The following NIPA2 variants were observed in gnomAD, a reference collection of about 807,000 sequenced individuals.
The protein encoded by NIPA2 is magnesium transporter NIPA2.
Under a neutral mutation model 29.7 loss-of-function variants are expected in NIPA2, and 11 were observed. The observed-to-expected ratio is 0.37, with a 90% CI of 0.23 to 0.61. The LOEUF (loss-of-function observed/expected upper bound fraction) is 0.61, where lower values mean the gene tolerates loss of function less well. Ranked by LOEUF, NIPA2 falls within the 20% of genes least tolerant of loss-of-function variation. NIPA2 has a pLI of 0.66. For synonymous variants in NIPA2, 183 were observed against 161.9 expected (o/e 1.13, Z -0.99); for missense variants, 426 against 437.9 (o/e 0.97, Z 0.24).
In NIPA2 at chr15:22,839,687, A is replaced by C; in HGVS notation, c.-319A>C. The C allele has an allele frequency of 6.6e-6, 1 of 152,346 alleles. No individual in the cohort carries two copies. Among genetic ancestry groups the C allele is most frequent in the Non-Finnish European group, 1.5e-5 (1 of 68,036 alleles). The allele number at this position is 152,346 out of a possible 1,614,324, so 9.4% of individuals were successfully genotyped here. The stretch of plus-strand genomic sequence containing the variant: ...CTACTCGGCCAGGGTTTAAGACTTT[A>C]AATGAGAATAAAGGGTGGTATTTAC... On this transcript the variant is annotated 5_prime_UTR_variant, in exon 2 of 8. The change abolishes the stop of an existing upstream ORF in the 5' untranslated region. Transcript: ENST00000337451.
At chr15:22,852,811 T>C (rs1187314094) in intron 4 of NIPA2, among the ~76,000 whole-genome samples, 1 of 152,188 alleles carries the variant, frequency 6.6e-6, no homozygotes, top group African/African-American at 2.4e-5. Flanking sequence ...TTGGACCTTA[T>C]GAGGAGAGCT....
chr15:22,867,632 T>TGTCA lies in NIPA2; in HGVS notation c.*786_*789dup. ...AGTATATTTTCATAATGAGTTATATTGTCATTTAGACTTTGAACAGCTCTG... is the reference window on the plus strand; with the variant it reads ...AGTATATTTTCATAATGAGTTATATTGTCAGTCATTTAGACTTTGAACAGCTCTG... On this transcript the variant is annotated 3_prime_UTR_variant, in exon 8 of 8. Transcript: ENST00000337451. The TGTCA allele has an allele frequency of 6.4e-6, 1 of 156,762 alleles. No individual in the cohort carries two copies. The highest frequency in any genetic ancestry group is 1.4e-5 in the Non-Finnish European group (1 of 71,154). The allele number at this position is 156,762 out of a possible 1,614,324, so 9.7% of individuals were successfully genotyped here.
At chr15:22,840,608 C>A (rs1896819894) in intron 2 of NIPA2, among the ~76,000 whole-genome samples, 4 of 152,040 alleles carry the variant, frequency 2.6e-5, no homozygotes, top group Admixed American at 2.0e-4. Context: ...CCTAAGAGCT[C>A]TAAAGTGTTA....
chr15:22,841,277 A>T (rs572056554), intron 2 of NIPA2, among the ~76,000 whole-genome samples: 1 of 152,216 alleles, frequency 6.6e-6, no homozygotes, highest in African/African-American at 2.4e-5. Context: ...GCAAAGATTT[A>T]TCTGTGTTGT....
intron 6 of NIPA2, 63 bp downstream of exon 6, chr15:22,858,693 C>T: frequency 2.1e-6 from 2 of 974,394 alleles, no homozygotes; most frequent in Non-Finnish European, 3.0e-6. Context: ...ATATTCAGTA[C>T]CATCTAATTA....
At chr15:22,863,435 C>T (rs2058756529) in intron 7 of NIPA2, among the ~76,000 whole-genome samples, 1 of 152,136 alleles carries the variant, frequency 6.6e-6, no homozygotes, top group African/African-American at 2.4e-5. Context: ...CTGATAGCTT[C>T]AGATGTTGGT....
At chr15:22,865,948 A>G (rs1200404343) in intron 7 of NIPA2, among the ~76,000 whole-genome samples, 2 of 152,102 alleles carry the variant, frequency 1.3e-5, no homozygotes, top group African/African-American at 4.8e-5. Context: ...CTGGTGAGCT[A>G]GAGCACTTAA....
chr15:22,867,230 T>C lies in NIPA2; in HGVS notation c.*383T>C. On this transcript the variant is annotated 3_prime_UTR_variant, in exon 8 of 8. Coordinates refer to ENST00000337451, the MANE Select transcript of NIPA2 (RefSeq NM_030922.7). The stretch of plus-strand genomic sequence containing the variant: ...ATCAATCCCTGACCATGTAAGGCTT[T>C]TTTATTTTAAAAAAACAGAGTTATC... 2 of 404,292 alleles carry C rather than the reference T, an allele frequency of 4.9e-6. No individual in the cohort carries two copies. The highest frequency in any genetic ancestry group is 8.7e-6 in the Non-Finnish European group (2 of 229,784). The allele number at this position is 404,292 out of a possible 1,614,324, so 25.0% of individuals were successfully genotyped here.
intron 3 of NIPA2, among the ~76,000 whole-genome samples, chr15:22,848,405 T>C (rs2057442534): frequency 6.6e-6 from 1 of 152,098 alleles, no homozygotes; most frequent in African/African-American, 2.4e-5. Flanking sequence ...GCTTTGTTTG[T>C]TTGTTTGAGA....
chr15:22,853,519 G>A (rs933832625), intron 5 of NIPA2, among the ~76,000 whole-genome samples: 5 of 151,598 alleles, frequency 3.3e-5, no homozygotes, highest in Non-Finnish European at 7.4e-5. Flanking sequence ...GATTACAGGC[G>A]TGCCACCACC....
chr15:22,859,105 A>C (rs12904827), intron 6 of NIPA2, among the ~76,000 whole-genome samples: 130,481 of 151,930 alleles, frequency 0.86, 56,183 homozygotes, highest in East Asian at 0.93. Context: ...ACGCAGGAAG[A>C]GGAGGTTGCA....
At position 22,851,755 on chromosome 15, in the gene NIPA2, T is replaced by C. The variant is rs774815254; in HGVS notation, c.24T>C (p.Tyr8=). Residue 8 remains tyrosine (Y), a synonymous_variant, in exon 4 of 8, where the codon TAT becomes TAC. Transcript: ENST00000337451. ...AAATGAGCCAGGGGCGTGGAAAATA[T>C]GACTTCTATATTGGTCTGGGATTGG... The part of the protein sequence containing the change: MSQGRGK[Y]DFYIGLGLAM... 2.2e-5 allele frequency: 36 copies of C among 1,611,506 alleles called. No homozygotes were observed. The highest frequency in any genetic ancestry group is 2.6e-5 in the Non-Finnish European group (31 of 1,179,230).
chr15:22,849,646 C>T (rs1024063552), intron 3 of NIPA2, among the ~76,000 whole-genome samples: 1 of 151,840 alleles, frequency 6.6e-6, no homozygotes, highest in African/African-American at 2.4e-5. Context: ...TGCAAGCTCC[C>T]CGTCCCAGGT....
At chr15:22,864,510 C>T (rs1249007940) in intron 7 of NIPA2, among the ~76,000 whole-genome samples, 1 of 152,122 alleles carries the variant, frequency 6.6e-6, no homozygotes, top group Non-Finnish European at 1.5e-5. Flanking sequence ...AAAAAAGCTT[C>T]CAGTTTCATG....
Position 22,866,518 on chromosome 15 carries a change from T to C in NIPA2, c.754T>C (p.Tyr252His). The change falls in exon 8 of 8, where the codon TAT (tyrosine) becomes CAT (histidine). Residue 252 changes from tyrosine (Y) to histidine (H), a missense_variant. Physicochemically the swap from Tyr to His is moderately conservative, Grantham distance 83. This residue lies in a region of NIPA2 where 357 missense variants were observed against 339.8 expected (regional missense o/e 1.05). Transcript: ENST00000337451. ...CAACACTTCCATTGTGACTCCAATA[T>C]ATTATGTATTCTTTACAACATCAGT... ...IFNTSIVTPIYYVFFTTSVLT... is the reference protein window; with the variant it reads ...IFNTSIVTPIHYVFFTTSVLT... 3.1e-6 allele frequency: 5 copies of C among 1,613,826 alleles called. No homozygotes were observed. Among genetic ancestry groups the C allele is most frequent in the Middle Eastern group, 1.7e-4 (1 of 6,058 alleles).
intron 4 of NIPA2, among the ~76,000 whole-genome samples, chr15:22,852,998 G>T (rs2057887471): frequency 6.6e-6 from 1 of 152,088 alleles, no homozygotes; most frequent in Non-Finnish European, 1.5e-5. Flanking sequence ...GTCCTAAGAG[G>T]TGCTCTCACT....
At chr15:22,866,091 G>A (rs747849489) in intron 7 of NIPA2, 122 bp from the exon 8 acceptor site, 2 of 780,310 alleles carry the variant, frequency 2.6e-6, no homozygotes, top group South Asian at 1.9e-5. Context: ...GCAAAATAAA[G>A]CTGATTTTTA....
intron 6 of NIPA2, among the ~76,000 whole-genome samples, chr15:22,859,508 G>C (rs773550396): frequency 1.3e-5 from 2 of 152,136 alleles, no homozygotes; most frequent in African/African-American, 2.4e-5. Flanking sequence ...TAGCCAGGAT[G>C]GTCTCGATGT....
At chr15:22,858,153 G>A (rs1462102961) in intron 5 of NIPA2, among the ~76,000 whole-genome samples, 1 of 152,148 alleles carries the variant, frequency 6.6e-6, no homozygotes, top group Non-Finnish European at 1.5e-5. Flanking sequence ...CAGCACTTTG[G>A]GAGGCCGAGG....
Sources: allele counts gnomAD v4.1 joint callset (sites outside exome capture counted in the v4.1 genomes callset), GRCh38; gene constraint gnomAD v4.1.1; regional missense constraint gnomAD v4.1.1; transcripts MANE v1.5; gene names NCBI Gene and HGNC (gene_info 2026-07-23, HGNC 2026-07-21).